Variants in RANBP2 observed in about 807,000 individuals in gnomAD.
The protein encoded by RANBP2 is RAN binding protein 2.
A neutral mutation model predicts 303.6 loss-of-function variants in RANBP2; 57 were observed. The ratio of observed to expected loss-of-function variants is 0.19; its 90% CI spans 0.15 to 0.23. The LOEUF (loss-of-function observed/expected upper bound fraction) is 0.23, where lower values mean the gene tolerates loss of function less well. Among genes scored for constraint, RANBP2 ranks in the 10% least tolerant of loss-of-function variants. RANBP2 has a pLI of 1.00. For missense variants in RANBP2, 3,138 were observed against 3,780.8 expected, an observed-to-expected ratio of 0.83 and a Z score of 4.46; for synonymous variants, 1,167 against 1,301.5, an observed-to-expected ratio of 0.90 and a Z score of 2.23.
At chr2:109,502,008 C>G in the RANBP2 span, 2 of 268,948 alleles carry the variant, frequency 7.4e-6, no homozygotes, top group African/African-American at 2.1e-5. Flanking sequence ...CATTTACCAC[C>G]TAAGCAGGGT....
At chr2:109,594,697 C>A in the RANBP2 span, 3 of 152,268 alleles carry the variant, frequency 2.0e-5, no homozygotes, top group Non-Finnish European at 4.4e-5. Context: ...CACCGTGATC[C>A]TCTGTGCGGG....
chr2:109,245,067 G>T, the RANBP2 span, among the ~76,000 whole-genome samples: 1 of 152,174 alleles, frequency 6.6e-6, no homozygotes, highest in South Asian at 2.1e-4. Context: ...GCCTTGTGCT[G>T]AGGGACCCAT....
At chr2:108,810,851 C>A in the RANBP2 span, among the ~76,000 whole-genome samples, 34 of 152,262 alleles carry the variant, frequency 2.2e-4, no homozygotes, top group Non-Finnish European at 4.4e-4. Flanking sequence ...TACTACAATT[C>A]AATCTTGTTA....
the RANBP2 span, among the ~76,000 whole-genome samples, chr2:109,674,818 A>G: frequency 1.3e-5 from 2 of 152,018 alleles, no homozygotes; most frequent in African/African-American, 4.8e-5. Context: ...CAAGATTTAC[A>G]TTTTATTCTG....
At chr2:109,187,597 G>T in the RANBP2 span, among the ~76,000 whole-genome samples, 1 of 152,178 alleles carries the variant, frequency 6.6e-6, no homozygotes, top group Admixed American at 6.5e-5. Flanking sequence ...TATAGGCTAG[G>T]AGCATAGGCT....
chr2:109,621,496 A>C, the RANBP2 span, among the ~76,000 whole-genome samples: 1 of 152,040 alleles, frequency 6.6e-6, no homozygotes, highest in Non-Finnish European at 1.5e-5. Flanking sequence ...GGAGCCCTCC[A>C]TTAGAATAGT....
chr2:108,975,315 C>G, the RANBP2 span, among the ~76,000 whole-genome samples: 1 of 152,194 alleles, frequency 6.6e-6, no homozygotes, highest in African/African-American at 2.4e-5. Flanking sequence ...GGTTCCCACC[C>G]GTGTCTTCTA....
the RANBP2 span, among the ~76,000 whole-genome samples, chr2:109,030,149 C>G: frequency 2.6e-5 from 4 of 152,322 alleles, no homozygotes; most frequent in South Asian, 8.3e-4. Flanking sequence ...TCAAATCAAC[C>G]TGGATTCGAG....
the RANBP2 span, among the ~76,000 whole-genome samples, chr2:109,554,568 C>T: frequency 2.0e-5 from 3 of 152,098 alleles, no homozygotes; most frequent in South Asian, 2.1e-4. Flanking sequence ...ATGAACTTAA[C>T]GCTTACAGCT....
the RANBP2 span, among the ~76,000 whole-genome samples, chr2:109,001,727 T>C: frequency 6.6e-6 from 1 of 151,484 alleles, no homozygotes. Context: ...TTTGTGTTTT[T>C]GTTTGTTTGT....
At chr2:109,491,045 C>T in the RANBP2 span, 1 of 1,055,274 alleles carries the variant, frequency 9.5e-7, no homozygotes, top group Non-Finnish European at 1.3e-6. Flanking sequence ...ATTAGGTTTA[C>T]CAGATGTACC....
the RANBP2 span, chr2:109,574,444 A>T: frequency 1.0e-4 from 3 of 29,848 alleles, no homozygotes; most frequent in East Asian, 6.2e-4. Flanking sequence ...CTTTATCTCT[A>T]AAAAAAAAAA....
chr2:109,187,658 T>C, the RANBP2 span, among the ~76,000 whole-genome samples: 3 of 152,234 alleles, frequency 2.0e-5, no homozygotes, highest in Non-Finnish European at 4.4e-5. Context: ...GAGTTATGCA[T>C]GTACACTCTG....
the RANBP2 span, among the ~76,000 whole-genome samples, chr2:109,042,770 A>G: frequency 6.6e-6 from 1 of 152,206 alleles, no homozygotes; most frequent in Non-Finnish European, 1.5e-5. Flanking sequence ...GGAAATCCTA[A>G]TAACCATTGT....
the RANBP2 span, among the ~76,000 whole-genome samples, chr2:109,331,122 T>TG: frequency 3.3e-5 from 5 of 152,216 alleles, no homozygotes; most frequent in Non-Finnish European, 7.3e-5. Context: ...GGCCAGGAGA[T>TG]AAACTCAAAA....
At chr2:109,028,487 G>A in the RANBP2 span, among the ~76,000 whole-genome samples, 2 of 152,106 alleles carry the variant, frequency 1.3e-5, no homozygotes, top group East Asian at 3.9e-4. Context: ...CCACCCTCAG[G>A]CCCTCCTGCA....
the RANBP2 span, among the ~76,000 whole-genome samples, chr2:109,248,356 G>A: frequency 2.6e-5 from 4 of 152,080 alleles, no homozygotes; most frequent in Non-Finnish European, 5.9e-5. Flanking sequence ...ATTGTTTCCT[G>A]AAAGTTTTAT....
the RANBP2 span, among the ~76,000 whole-genome samples, chr2:109,410,553 C>T: frequency 1.3e-5 from 2 of 152,240 alleles, no homozygotes; most frequent in African/African-American, 4.8e-5. Flanking sequence ...CTACTGGGCT[C>T]ATGTGAAATG....
the RANBP2 span, among the ~76,000 whole-genome samples, chr2:109,463,779 T>C: frequency 6.6e-6 from 1 of 152,184 alleles, no homozygotes; most frequent in Non-Finnish European, 1.5e-5. Context: ...CCATGGAGAA[T>C]GATGCCTCTG....
Sources: allele counts gnomAD v4.1 joint callset (sites outside exome capture counted in the v4.1 genomes callset), GRCh38; gene constraint gnomAD v4.1.1; transcripts MANE v1.5; gene names NCBI Gene and HGNC (gene_info 2026-07-23, HGNC 2026-07-21).